The following BACE2 variants were observed in gnomAD, a reference collection of about 807,000 sequenced individuals.
BACE2 encodes 56 kDa aspartic-like protease.
A neutral mutation model predicts 46.2 loss-of-function variants in BACE2; 17 were observed. The ratio of observed to expected loss-of-function variants is 0.37; its 90% CI spans 0.25 to 0.55. The LOEUF (loss-of-function observed/expected upper bound fraction) is 0.55. BACE2 is among the 20% of genes least tolerant of loss of function. The pLI is 0.82. For synonymous variants in BACE2, 277 were observed against 295.9 expected, an observed-to-expected ratio of 0.94 and a Z score of 0.66; for missense variants, 595 against 698.1, an observed-to-expected ratio of 0.85 and a Z score of 1.66.
intron 3 of BACE2, 143 bp from the exon 4 acceptor site, chr21:41,241,676 A>G (rs1415130251): frequency 2.1e-5 from 19 of 921,480 alleles, no homozygotes; most frequent in African/African-American, 5.0e-5. Flanking sequence ...CCTAGACCCA[A>G]TCACAAGCTG....
intron 2 of BACE2, among the ~76,000 whole-genome samples, chr21:41,235,153 C>T (rs1987080625): frequency 6.6e-6 from 1 of 152,166 alleles, no homozygotes; most frequent in Admixed American, 6.5e-5. Context: ...TAGGAGTCCT[C>T]CCACCTCCAA....
At chr21:41,273,261 A>G (rs2088451969) in intron 8 of BACE2, among the ~76,000 whole-genome samples, 1 of 152,254 alleles carries the variant, frequency 6.6e-6, no homozygotes, top group Non-Finnish European at 1.5e-5. Flanking sequence ...ACATCTTATC[A>G]GGAGACAGGG....
At chr21:41,209,783 A>G (rs1017030123) in intron 1 of BACE2, among the ~76,000 whole-genome samples, 8 of 152,148 alleles carry the variant, frequency 5.3e-5, no homozygotes, top group Non-Finnish European at 1.2e-4. Context: ...CTGCATGGAG[A>G]AGACACAGGT....
intron 1 of BACE2, among the ~76,000 whole-genome samples, chr21:41,199,247 T>TGGTGCCGGGGAGGAGCTG (rs1210281008): frequency 2.6e-5 from 4 of 152,148 alleles, no homozygotes; most frequent in African/African-American, 9.6e-5. Flanking sequence ...TTCCTCCTTG[T>TGGTGCCGGGGAGGAGCTG]GGTGCCGGGG....
intron 1 of BACE2, 93 bp downstream of exon 1, chr21:41,168,668 C>A: frequency 1.2e-5 from 11 of 906,624 alleles, no homozygotes; most frequent in Non-Finnish European, 1.1e-5. Context: ...GCGTCGCCCC[C>A]AAAGCAGCAG....
chr21:41,226,177 A>T, intron 1 of BACE2, 89 bp from the exon 2 acceptor site: 3 of 949,034 alleles, frequency 3.2e-6, no homozygotes, highest in Non-Finnish European at 4.9e-6. Flanking sequence ...TATTCTTGCT[A>T]CTTAGTTTTA....
chr21:41,273,694 G>A (rs568106825), intron 8 of BACE2, among the ~76,000 whole-genome samples: 1 of 152,274 alleles, frequency 6.6e-6, no homozygotes, highest in South Asian at 2.1e-4. Flanking sequence ...TACATTCTCA[G>A]CTTAGGAAGA....
intron 8 of BACE2, among the ~76,000 whole-genome samples, chr21:41,269,746 G>A (rs2088416288): frequency 1.3e-5 from 2 of 152,150 alleles, no homozygotes; most frequent in East Asian, 1.9e-4. Context: ...TGAACTTTTG[G>A]ATTGTTGCCA....
intron 1 of BACE2, among the ~76,000 whole-genome samples, chr21:41,173,769 C>T (rs1480487005): frequency 6.6e-6 from 1 of 152,016 alleles, no homozygotes; most frequent in Non-Finnish European, 1.5e-5. Context: ...TAAAATGTCC[C>T]ATGTCATGTT....
chr21:41,170,926 T>C (rs1476426316), intron 1 of BACE2, among the ~76,000 whole-genome samples: 1 of 152,188 alleles, frequency 6.6e-6, no homozygotes, highest in East Asian at 1.9e-4. Flanking sequence ...GGGGGTCTTA[T>C]ACGCATTTGG....
chr21:41,205,147 TAAG>T (rs1986086638), intron 1 of BACE2, among the ~76,000 whole-genome samples: 1 of 152,326 alleles, frequency 6.6e-6, no homozygotes, highest in Non-Finnish European at 1.5e-5. Flanking sequence ...TTTTAGATTT[TAAG>T]AAGATTTCAT....
intron 1 of BACE2, among the ~76,000 whole-genome samples, chr21:41,189,124 C>T (rs1435329370): frequency 1.3e-5 from 2 of 151,918 alleles, no homozygotes; most frequent in African/African-American, 4.8e-5. Context: ...TCTTTCCCTC[C>T]AGAAACATGT....
chr21:41,176,058 C>T (rs1984823181), intron 1 of BACE2: 1 of 152,216 alleles, frequency 6.6e-6, no homozygotes, highest in African/African-American at 2.4e-5. Flanking sequence ...CTGTCTGAGC[C>T]TCTGTTTCCT....
intron 3 of BACE2, among the ~76,000 whole-genome samples, chr21:41,241,246 C>T (rs1054596306): frequency 1.3e-4 from 20 of 152,148 alleles, no homozygotes; most frequent in Non-Finnish European, 5.9e-5. Context: ...GAATAAGAAG[C>T]CTTTTATGCT....
chr21:41,247,135 G>T (rs1987493327), intron 6 of BACE2, among the ~76,000 whole-genome samples: 1 of 152,192 alleles, frequency 6.6e-6, no homozygotes, highest in Non-Finnish European at 1.5e-5. Context: ...AAGAGTGGCC[G>T]ATAGGAGCAC....
chr21:41,253,463 C>T lies in BACE2; in HGVS notation c.1134+2562C>T, dbSNP rs115250454. On this transcript the variant is annotated intron_variant, in intron 7 of 8. Coordinates refer to ENST00000330333, the MANE Select transcript of BACE2 (RefSeq NM_012105.5). Reference sequence around the variant, plus strand: ...TCTCAAAAAAAAAAAAAAAAAATCACGTGCTCTTGATGATTACATTTTGGC... The same window carrying T: ...TCTCAAAAAAAAAAAAAAAAAATCATGTGCTCTTGATGATTACATTTTGGC... Among the ~76,000 whole-genome samples, 1,464 of 148,274 alleles carry T rather than the reference C, an allele frequency of 9.9e-3. 31 individuals are homozygous for T. The highest frequency in any genetic ancestry group is 0.034 in the African/African-American group (1,359 of 40,106).
chr21:41,238,954 T>TAAAAAAAAAA (rs34474586), intron 3 of BACE2, among the ~76,000 whole-genome samples: 27 of 85,618 alleles, frequency 3.2e-4, no homozygotes, highest in African/African-American at 3.2e-4. Flanking sequence ...AAAGTATAAT[T>TAAAAAAAAAA]AAAAAAAAAA....
At chr21:41,275,265 T>A in intron 8 of BACE2, 106 bp from the exon 9 acceptor site, 1 of 1,506,564 alleles carries the variant, frequency 6.6e-7, no homozygotes, top group East Asian at 2.3e-5. Flanking sequence ...GGGACCTCAG[T>A]GGACTTTAAC....
At chr21:41,201,956 A>G (rs543336564) in intron 1 of BACE2, among the ~76,000 whole-genome samples, 1 of 152,248 alleles carries the variant, frequency 6.6e-6, no homozygotes, top group Non-Finnish European at 1.5e-5. Context: ...AATGCTAACC[A>G]CTGGAGGCCT....
Sources: allele counts gnomAD v4.1 joint callset (sites outside exome capture counted in the v4.1 genomes callset), GRCh38; gene constraint gnomAD v4.1.1; transcripts MANE v1.5; gene names NCBI Gene and HGNC (gene_info 2026-07-23, HGNC 2026-07-21).